BBS7: variants seen among roughly 807,000 people sequenced by gnomAD.
The protein encoded by BBS7 is Bardet-Biedl syndrome 7.
BBS7 carries 50 observed loss-of-function variants against 90.3 expected under a neutral mutation model. That is an observed-to-expected ratio of 0.55 (90% CI 0.44 to 0.70). BBS7 has a LOEUF of 0.70. Ranked by LOEUF, BBS7 falls within the 30% of genes least tolerant of loss-of-function variation. The probability of loss-of-function intolerance (pLI) is 0.00; values close to 1 mark genes in which losing one functional copy is unlikely to be tolerated. For synonymous variants in BBS7, 235 were observed against 287.4 expected, an observed-to-expected ratio of 0.82 and a Z score of 1.85; for missense variants, 729 against 838.9, an observed-to-expected ratio of 0.87 and a Z score of 1.62.
chr4:121,845,960 C>T (rs1725992855), intron 10 of BBS7, among the ~76,000 whole-genome samples: 1 of 152,022 alleles, frequency 6.6e-6, no homozygotes, highest in Non-Finnish European at 1.5e-5. Flanking sequence ...TCATGGTAGG[C>T]TACAAAATAA....
intron 1 of BBS7, among the ~76,000 whole-genome samples, chr4:121,869,334 A>G (rs1273207171): frequency 6.6e-6 from 1 of 152,230 alleles, no homozygotes; most frequent in Non-Finnish European, 1.5e-5. Flanking sequence ...TAGTGTAACA[A>G]AAATACACCA....
Position 121,870,264 on chromosome 4 carries a change from T to C in BBS7, c.36+14A>G, listed in dbSNP as rs577962251. 2 of 1,614,086 alleles carry C rather than the reference T, an allele frequency of 1.2e-6. No individual in the cohort carries two copies. The highest frequency in any genetic ancestry group is 1.7e-6 in the Non-Finnish European group (2 of 1,179,980). ...CTTGCCCAGCGCGGCGCCCGCCCTA[T>C]CCCTTGGGTTTACCTGCAGATAATC... is the stretch of plus-strand genomic sequence containing the variant. On this transcript the variant is annotated intron_variant, in intron 1 of 18. Coordinates refer to ENST00000264499, the MANE Select transcript of BBS7 (RefSeq NM_176824.3).
rs34910805 is a variant in BBS7, at chr4:121,868,684, C to CAAAAAAAAAAAAAAAAAAAAAA, written c.37-660_37-639dup. On this transcript the variant is annotated intron_variant, in intron 1 of 18. Coordinates refer to ENST00000264499, the MANE Select transcript of BBS7 (RefSeq NM_176824.3). ...TGCGTGACAGAACAAGACCCTGTTT[C>CAAAAAAAAAAAAAAAAAAAAAA]AAAAAAAAAAAAAAAAAAAAAAAAA... 1.0e-4 allele frequency among the ~76,000 whole-genome samples: 5 copies of CAAAAAAAAAAAAAAAAAAAAAA among 49,684 alleles called. 2 individuals carry two copies. Among genetic ancestry groups the CAAAAAAAAAAAAAAAAAAAAAA allele is most frequent in the Admixed American group, 5.8e-4 (2 of 3,458 alleles). 32.6% of individuals were successfully genotyped at this position (49,684 alleles called of 152,430 possible). A position where few individuals can be genotyped will look rare whatever the true frequency, so the allele number is the denominator to read the frequency against.
rs988217771 is a variant in BBS7, at chr4:121,828,566, TAAC to T, written c.1786+50_1786+52del. 17 of 1,545,952 alleles carry T rather than the reference TAAC, an allele frequency of 1.1e-5. No individual in the cohort carries two copies. The African/African-American group carries it at 1.2e-4, about 11-fold the overall frequency. ...ACTTTGATCAGAAACATTAATAATG[TAAC>T]AACAACACAAAATAAACATCAGAAA... On this transcript the variant is annotated intron_variant, in intron 16 of 18. Coordinates refer to ENST00000264499, the MANE Select transcript of BBS7 (RefSeq NM_176824.3).
At chr4:121,854,372 A>G (rs1477331313) in intron 7 of BBS7, among the ~76,000 whole-genome samples, 1 of 152,222 alleles carries the variant, frequency 6.6e-6, no homozygotes, top group Non-Finnish European at 1.5e-5. Flanking sequence ...TCTTTGCCTC[A>G]TAACAAAGAC....
intron 13 of BBS7, among the ~76,000 whole-genome samples, chr4:121,835,685 A>G (rs756129617): frequency 6.6e-6 from 1 of 152,168 alleles, no homozygotes; most frequent in Non-Finnish European, 1.5e-5. Context: ...AAAACAAAAA[A>G]TAGATCTGAT....
intron 15 of BBS7, among the ~76,000 whole-genome samples, chr4:121,830,759 T>C (rs1458030564): frequency 2.0e-5 from 3 of 152,214 alleles, no homozygotes; most frequent in Non-Finnish European, 2.9e-5. Context: ...ACTACCTCCA[T>C]ACACATATAT....
At chr4:121,848,765 G>A in intron 9 of BBS7, 79 bp downstream of exon 9, 1 of 1,158,238 alleles carries the variant, frequency 8.6e-7, no homozygotes, top group Admixed American at 1.7e-5. Context: ...TTTAAAAAGA[G>A]TCATCAAAAG....
At chr4:121,848,961 T>C in intron 8 of BBS7, 33 bp from the exon 9 acceptor site, 1 of 1,531,968 alleles carries the variant, frequency 6.5e-7, no homozygotes, top group Non-Finnish European at 9.0e-7. Flanking sequence ...ACTTCATTAG[T>C]AACTAAAAAA....
At chr4:121,860,074 G>C (rs1726894001) in intron 4 of BBS7, among the ~76,000 whole-genome samples, 1 of 152,022 alleles carries the variant, frequency 6.6e-6, no homozygotes, top group African/African-American at 2.4e-5. Flanking sequence ...ATTCTCTGAA[G>C]AGCTTATCCT....
intron 14 of BBS7, among the ~76,000 whole-genome samples, chr4:121,834,669 A>G (rs1725358924): frequency 6.6e-6 from 1 of 152,184 alleles, no homozygotes; most frequent in Non-Finnish European, 1.5e-5. Flanking sequence ...CCTTCTCTTT[A>G]AGCTCATGTT....
chr4:121,855,956 ATGTG>A (rs1560661582), intron 5 of BBS7, among the ~76,000 whole-genome samples: 1 of 11,934 alleles, frequency 8.4e-5, no homozygotes, highest in African/African-American at 7.9e-4. Context: ...GTACATATAT[ATGTG>A]TGTATATATA....
chr4:121,851,455 AAAGAAAGGG>A (rs1726317592), intron 8 of BBS7, among the ~76,000 whole-genome samples: 1 of 151,218 alleles, frequency 6.6e-6, no homozygotes, highest in African/African-American at 2.4e-5. Context: ...AGGGAGGGGA[AAAGAAAGGG>A]AAGAAAGGGA....
chr4:121,869,362 T>C (rs1005080166), intron 1 of BBS7, among the ~76,000 whole-genome samples: 1 of 152,194 alleles, frequency 6.6e-6, no homozygotes, highest in African/African-American at 2.4e-5. Flanking sequence ...AGTCCGAGAC[T>C]TTGATTCAAA....
At chr4:121,868,276 T>C (rs1727392865) in intron 1 of BBS7, among the ~76,000 whole-genome samples, 1 of 152,222 alleles carries the variant, frequency 6.6e-6, no homozygotes. Context: ...TTGTGTAAGA[T>C]GACTGGCAAG....
chr4:121,863,168 G>T, intron 3 of BBS7, 49 bp downstream of exon 3: 1 of 1,537,902 alleles, frequency 6.5e-7, no homozygotes, highest in Non-Finnish European at 9.0e-7. Context: ...AATAAATAGT[G>T]CATTCTCTTT....
At chr4:121,856,710 A>G (rs1726693948) in intron 5 of BBS7, among the ~76,000 whole-genome samples, 1 of 149,250 alleles carries the variant, frequency 6.7e-6, no homozygotes, top group Non-Finnish European at 1.5e-5. Flanking sequence ...ACTCCATCTC[A>G]AAAAAAAAAG....
rs1725287331 is a variant in BBS7, at chr4:121,833,317, T to C, written c.1590A>G (p.Glu530=). 1.2e-6 allele frequency: 2 copies of C among 1,613,878 alleles called. No individual in the cohort carries two copies. The highest frequency in any genetic ancestry group is 1.7e-6 in the Non-Finnish European group (2 of 1,179,944). The part of the protein sequence containing the change: ...VHSWVVFCLP[E]VPEKPPAGEC... ...CTCCTGCTGGAGGTTTTTCTGGAAC[T>C]TCAGGCAGACAAAAAACCACCCAGG... The change falls in exon 15 of 19, where the codon GAA becomes GAG. Residue 530 remains glutamate (E), a synonymous_variant. Coordinates refer to ENST00000264499, the MANE Select transcript of BBS7 (RefSeq NM_176824.3).
chr4:121,850,449 A>G (rs1185960645), intron 8 of BBS7, among the ~76,000 whole-genome samples: 1 of 152,160 alleles, frequency 6.6e-6, no homozygotes, highest in Non-Finnish European at 1.5e-5. Context: ...TACAGGTGTG[A>G]GCCACTGTGC....
Sources: allele counts gnomAD v4.1 joint callset (sites outside exome capture counted in the v4.1 genomes callset), GRCh38; gene constraint gnomAD v4.1.1; transcripts MANE v1.5; gene names NCBI Gene and HGNC (gene_info 2026-07-23, HGNC 2026-07-21).